The following NBAS variants were observed in gnomAD, a reference collection of about 807,000 sequenced individuals.
The protein encoded by NBAS is NAG/BC035112 fusion.
A neutral mutation model predicts 302.5 loss-of-function variants in NBAS; 219 were observed. That is an observed-to-expected ratio of 0.72 (90% CI 0.65 to 0.81). The LOEUF is 0.81. Ranked by LOEUF, NBAS falls within the 30% of genes least tolerant of loss-of-function variation. The pLI is 0.00. For missense variants in NBAS, 2,932 were observed against 2,841.6 expected (o/e 1.03, Z -0.72); for synonymous variants, 1,118 against 1,021.6 (o/e 1.09, Z -1.80).
the NBAS span, among the ~76,000 whole-genome samples, chr2:14,952,635 T>C: frequency 6.6e-6 from 1 of 152,228 alleles, no homozygotes; most frequent in Non-Finnish European, 1.5e-5. Flanking sequence ...TTAGCCTCAA[T>C]GATGCCAGTC....
chr2:14,861,862 G>C, the NBAS span, among the ~76,000 whole-genome samples: 1 of 152,178 alleles, frequency 6.6e-6, no homozygotes, highest in Non-Finnish European at 1.5e-5. Context: ...GTGAAATGTG[G>C]GGCTTTCCTA....
intron 21 of NBAS, among the ~76,000 whole-genome samples, chr2:15,444,761 A>G (rs1678633282): frequency 6.6e-6 from 1 of 152,050 alleles, no homozygotes; most frequent in Non-Finnish European, 1.5e-5. Flanking sequence ...CTCATCTGAC[A>G]AAGGGCTAAT....
At chr2:14,781,471 A>C in the NBAS span, among the ~76,000 whole-genome samples, 3 of 151,768 alleles carry the variant, frequency 2.0e-5, no homozygotes, top group Non-Finnish European at 4.4e-5. Flanking sequence ...AAAAAAATCT[A>C]CAGGAAAAAA....
At chr2:15,259,000 CTCTT>C (rs1209502197) in intron 44 of NBAS, among the ~76,000 whole-genome samples, 2 of 152,164 alleles carry the variant, frequency 1.3e-5, no homozygotes, top group Non-Finnish European at 2.9e-5. Context: ...TGTACTCTTT[CTCTT>C]TATTTCTCAG....
At chr2:15,202,288 A>T (rs1472894594) in intron 48 of NBAS, among the ~76,000 whole-genome samples, 1 of 152,230 alleles carries the variant, frequency 6.6e-6, no homozygotes, top group Non-Finnish European at 1.5e-5. Flanking sequence ...CATAGAAATT[A>T]CACAATAAAA....
At chr2:14,788,147 T>A in the NBAS span, among the ~76,000 whole-genome samples, 4 of 152,362 alleles carry the variant, frequency 2.6e-5, no homozygotes, top group African/African-American at 4.8e-5. Context: ...TTCACGTAGT[T>A]CTCGAGGCTT....
chr2:15,199,297 G>C (rs547285205), intron 48 of NBAS, among the ~76,000 whole-genome samples: 9 of 152,112 alleles, frequency 5.9e-5, no homozygotes, highest in Non-Finnish European at 1.0e-4. Flanking sequence ...GAAGTTGTGA[G>C]AACATGTGAT....
At chr2:15,152,439 G>A in the NBAS span, among the ~76,000 whole-genome samples, 1 of 152,208 alleles carries the variant, frequency 6.6e-6, no homozygotes, top group Non-Finnish European at 1.5e-5. Context: ...AACTTAGGAT[G>A]TAGACAAACT....
chr2:15,389,165 C>A (rs988819862), intron 28 of NBAS, among the ~76,000 whole-genome samples: 12 of 152,292 alleles, frequency 7.9e-5, no homozygotes, highest in African/African-American at 2.6e-4. Flanking sequence ...ACAATGATAG[C>A]CACGAGAGGG....
intron 16 of NBAS, among the ~76,000 whole-genome samples, 189 bp from the exon 17 acceptor site, chr2:15,468,722 G>A (rs1250020768): frequency 2.6e-5 from 4 of 152,160 alleles, no homozygotes; most frequent in Non-Finnish European, 5.9e-5. Flanking sequence ...AACTGGATGC[G>A]GGGAGTGTGA....
chr2:15,450,562 T>TC (rs1678957760), intron 21 of NBAS, among the ~76,000 whole-genome samples: 1 of 152,156 alleles, frequency 6.6e-6, no homozygotes, highest in Non-Finnish European at 1.5e-5. Flanking sequence ...TGTCTGATCT[T>TC]CCCCACTAGA....
the NBAS span, among the ~76,000 whole-genome samples, chr2:14,781,556 C>A: frequency 6.6e-6 from 1 of 151,822 alleles, no homozygotes; most frequent in Non-Finnish European, 1.5e-5. Context: ...TTATTCAATC[C>A]AAAGGCAAGG....
At chr2:15,234,427 C>T (rs1313888563) in intron 46 of NBAS, 118 bp downstream of exon 46, 6 of 1,023,986 alleles carry the variant, frequency 5.9e-6, no homozygotes, top group Admixed American at 5.7e-5. Context: ...AATAATCTCT[C>T]ACTTTTGTAA....
chr2:14,952,640 C>A, the NBAS span, among the ~76,000 whole-genome samples: 1 of 152,216 alleles, frequency 6.6e-6, no homozygotes, highest in African/African-American at 2.4e-5. Context: ...CTCAATGATG[C>A]CAGTCATGCA....
chr2:15,154,285 A>G, the NBAS span, among the ~76,000 whole-genome samples: 4 of 152,352 alleles, frequency 2.6e-5, no homozygotes, highest in Admixed American at 1.3e-4. Context: ...ATTAGATTCT[A>G]TCCCCAACTC....
At chr2:15,061,544 C>T in the NBAS span, among the ~76,000 whole-genome samples, 1 of 152,314 alleles carries the variant, frequency 6.6e-6, no homozygotes, top group South Asian at 2.1e-4. Context: ...CCCATTTGAG[C>T]TGATGTCATC....
chr2:15,496,269 C>G (rs1681067638), intron 11 of NBAS, among the ~76,000 whole-genome samples: 1 of 152,020 alleles, frequency 6.6e-6, no homozygotes, highest in Admixed American at 6.6e-5. Context: ...TATAGAATGT[C>G]CAGAATAGGC....
chr2:15,261,745 T>C (rs913321280), intron 44 of NBAS, among the ~76,000 whole-genome samples: 2 of 152,148 alleles, frequency 1.3e-5, no homozygotes, highest in Admixed American at 1.3e-4. Flanking sequence ...TGAGATGAAA[T>C]GTTACTGAAA....
At chr2:15,030,826 A>G in the NBAS span, among the ~76,000 whole-genome samples, 1 of 152,104 alleles carries the variant, frequency 6.6e-6, no homozygotes, top group South Asian at 2.1e-4. Context: ...CCCACTAGAT[A>G]TCAATATCAC....
Sources: allele counts gnomAD v4.1 joint callset (sites outside exome capture counted in the v4.1 genomes callset), GRCh38; gene constraint gnomAD v4.1.1; transcripts MANE v1.5; gene names NCBI Gene and HGNC (gene_info 2026-07-23, HGNC 2026-07-21).